Variants in SCEL observed in about 807,000 individuals in gnomAD.
The protein encoded by SCEL is sciellin.
In SCEL, 113 loss-of-function variants were observed where a neutral mutation model predicts 117.6. That is an observed-to-expected ratio of 0.96 (90% CI 0.83 to 1.12). The LOEUF is 1.12. Among genes scored for constraint, SCEL ranks in the 50% most tolerant of loss-of-function variants. The probability of loss-of-function intolerance (pLI) is 0.00; values close to 1 mark genes in which losing one functional copy is unlikely to be tolerated. For missense variants in SCEL, 785 were observed against 810.8 expected (o/e 0.97, Z 0.39); for synonymous variants, 270 against 256.2 (o/e 1.05, Z -0.51).
chr13:77,580,625 C>T (rs1178188480), intron 9 of SCEL, among the ~76,000 whole-genome samples: 1 of 152,066 alleles, frequency 6.6e-6, no homozygotes, highest in Admixed American at 6.5e-5. Flanking sequence ...ATTTAAGAAC[C>T]TCATGGAAGC....
At chr13:77,625,257 T>A (rs1034601110) in intron 27 of SCEL, among the ~76,000 whole-genome samples, 17 of 152,222 alleles carry the variant, frequency 1.1e-4, no homozygotes, top group Admixed American at 9.8e-4. Context: ...CTTAAAACAT[T>A]AAGGGGAAGA....
intron 1 of SCEL, among the ~76,000 whole-genome samples, chr13:77,549,466 C>T (rs1215807692): frequency 1.3e-5 from 2 of 152,194 alleles, no homozygotes; most frequent in Non-Finnish European, 2.9e-5. Context: ...CTTATTGTCA[C>T]ATAATCTGCT....
At chr13:77,555,224 A>G (rs963230156) in intron 1 of SCEL, among the ~76,000 whole-genome samples, 4 of 152,218 alleles carry the variant, frequency 2.6e-5, no homozygotes, top group South Asian at 4.1e-4. Context: ...AGTCCTGGGC[A>G]GACTGGTGCT....
intron 27 of SCEL, among the ~76,000 whole-genome samples, chr13:77,624,384 G>A (rs1442910266): frequency 2.6e-5 from 4 of 152,052 alleles, no homozygotes; most frequent in Admixed American, 1.3e-4. Flanking sequence ...GATTACAGAC[G>A]TGAACCACCG....
Position 77,617,870 on chromosome 13 carries a change from T to C in SCEL, c.1571+8T>C. On this transcript the variant is annotated splice_region_variant and intron_variant, in intron 26 of 32. Transcript: ENST00000349847. ...AATCAGAAACAATCAGAGGTATATA[T>C]AGAAGCAGTCAATTCATGTTTTTAT... is the stretch of plus-strand genomic sequence containing the variant. 1.2e-6 allele frequency: 2 copies of C among 1,603,936 alleles called. No individual in the cohort carries two copies. The highest frequency in any genetic ancestry group is 8.5e-7 in the Non-Finnish European group (1 of 1,171,512).
intron 1 of SCEL, among the ~76,000 whole-genome samples, chr13:77,543,894 C>A (rs2083857200): frequency 6.6e-6 from 1 of 152,152 alleles, no homozygotes; most frequent in African/African-American, 2.4e-5. Context: ...TGAATCCCAA[C>A]TGGGCGATTC....
At chr13:77,588,631 A>G (rs1045145225) in intron 9 of SCEL, among the ~76,000 whole-genome samples, 12 of 152,210 alleles carry the variant, frequency 7.9e-5, no homozygotes, top group Non-Finnish European at 1.0e-4. Flanking sequence ...ATGCTTTGTC[A>G]GCATCAAAGT....
intron 28 of SCEL, among the ~76,000 whole-genome samples, chr13:77,633,442 C>CAAAAAAAAAAAAAAAAAAAAAAAAAAA (rs59939208): frequency 1.0e-4 from 3 of 30,018 alleles, no homozygotes; most frequent in African/African-American, 2.9e-4. Context: ...GACTCCGCCT[C>CAAAAAAAAAAAAAAAAAAAAAAAAAAA]AAAAAAAAAA....
At chr13:77,637,287 C>CACATATATATAAATATATAT (rs66999671) in intron 30 of SCEL, 93 bp downstream of exon 30, 46 of 213,350 alleles carry the variant, frequency 2.2e-4, no homozygotes, top group African/African-American at 9.0e-4. Flanking sequence ...CAGGCACACA[C>CACATATATATAAATATATAT]ACATATATAT....
intron 27 of SCEL, among the ~76,000 whole-genome samples, chr13:77,627,352 A>T (rs2089791600): frequency 6.6e-6 from 1 of 152,214 alleles, no homozygotes; most frequent in South Asian, 2.1e-4. Flanking sequence ...CATGACACAA[A>T]GATAGTACTC....
At chr13:77,543,508 A>AT (rs1169285440) in intron 1 of SCEL, among the ~76,000 whole-genome samples, 1 of 152,212 alleles carries the variant, frequency 6.6e-6, no homozygotes, top group Non-Finnish European at 1.5e-5. Flanking sequence ...TGATTGAAAG[A>AT]TTTTGGGGTA....
chr13:77,551,116 A>G (rs2084294517), intron 1 of SCEL, among the ~76,000 whole-genome samples: 3 of 152,170 alleles, frequency 2.0e-5, no homozygotes, highest in African/African-American at 7.2e-5. Flanking sequence ...TTGGTTTAGA[A>G]GCCCGATGCA....
chr13:77,559,662 A>C (rs1682038544), intron 3 of SCEL, 142 bp from the exon 4 acceptor site: 2 of 652,484 alleles, frequency 3.1e-6, no homozygotes, highest in Non-Finnish European at 5.5e-6. Context: ...AAATAGATAC[A>C]TAATTTTGTG....
chr13:77,635,457 T>C (rs1373476263), intron 29 of SCEL, among the ~76,000 whole-genome samples: 3 of 152,102 alleles, frequency 2.0e-5, no homozygotes, highest in Non-Finnish European at 4.4e-5. Flanking sequence ...TAACATAGGC[T>C]TTTTTTCTAT....
intron 4 of SCEL, 61 bp from the exon 5 acceptor site, chr13:77,563,770 A>G: frequency 3.0e-6 from 4 of 1,343,800 alleles, no homozygotes; most frequent in Non-Finnish European, 4.1e-6. Flanking sequence ...GATAGGTTTT[A>G]TAAACTTTTT....
intron 28 of SCEL, 24 bp from the exon 29 acceptor site, chr13:77,634,355 G>C: frequency 6.3e-7 from 1 of 1,591,342 alleles, no homozygotes; most frequent in Non-Finnish European, 8.6e-7. Context: ...CTTTAATCAT[G>C]AAGTAAAATG....
intron 30 of SCEL, among the ~76,000 whole-genome samples, chr13:77,638,611 G>C (rs918236257): frequency 2.6e-5 from 4 of 152,250 alleles, no homozygotes; most frequent in Non-Finnish European, 5.9e-5. Context: ...TTCTCCATGA[G>C]ACCAGTCAGT....
At chr13:77,583,919 T>A (rs985503269) in intron 9 of SCEL, among the ~76,000 whole-genome samples, 5 of 152,166 alleles carry the variant, frequency 3.3e-5, no homozygotes, top group Admixed American at 1.3e-4. Context: ...TTCTTTACAG[T>A]GTTATTTCTT....
chr13:77,567,297 T>C (rs1199833332), intron 5 of SCEL, among the ~76,000 whole-genome samples: 1 of 151,982 alleles, frequency 6.6e-6, no homozygotes, highest in Non-Finnish European at 1.5e-5. Flanking sequence ...CTACTAAAAA[T>C]ACAACAATTA....
Sources: allele counts gnomAD v4.1 joint callset (sites outside exome capture counted in the v4.1 genomes callset), GRCh38; gene constraint gnomAD v4.1.1; transcripts MANE v1.5; gene names NCBI Gene and HGNC (gene_info 2026-07-23, HGNC 2026-07-21).